NELL1: variants seen among roughly 807,000 people sequenced by gnomAD.
The protein encoded by NELL1 is neural EGFL like 1, also known as protein kinase C-binding protein NELL1.
In NELL1, 76 loss-of-function variants were observed where a neutral mutation model predicts 107.4. The observed-to-expected ratio is 0.71, with a 90% CI of 0.59 to 0.86. The LOEUF is 0.86. NELL1 is among the 40% of genes least tolerant of loss of function. NELL1 has a pLI of 0.00. For missense variants in NELL1, 1,024 were observed against 1,005.5 expected (o/e 1.02, Z -0.25); for synonymous variants, 353 against 341.2 (o/e 1.03, Z -0.38).
intron 2 of NELL1, among the ~76,000 whole-genome samples, chr11:20,690,451 A>T (rs1425458181): frequency 6.6e-6 from 1 of 151,802 alleles, no homozygotes; most frequent in Admixed American, 6.6e-5. Context: ...TCTTGAATTA[A>T]TTTTTGTATA....
At chr11:21,183,498 G>A (rs577413795) in intron 13 of NELL1, among the ~76,000 whole-genome samples, 1 of 152,050 alleles carries the variant, frequency 6.6e-6, no homozygotes, top group East Asian at 1.9e-4. Flanking sequence ...GAGAGCTCCA[G>A]TGTTTGCAGA....
At chr11:21,033,528 G>A (rs1853013249) in intron 12 of NELL1, among the ~76,000 whole-genome samples, 2 of 151,966 alleles carry the variant, frequency 1.3e-5, no homozygotes, top group African/African-American at 4.8e-5. Context: ...AAGGATAGTG[G>A]CCTCCAGCTG....
intron 15 of NELL1, among the ~76,000 whole-genome samples, chr11:21,418,602 T>C (rs1176816421): frequency 1.3e-5 from 2 of 152,084 alleles, no homozygotes; most frequent in African/African-American, 4.8e-5. Context: ...TTTTTATGGG[T>C]CTTTTCCTTT....
chr11:21,390,256 G>A (rs1851837624), intron 15 of NELL1, among the ~76,000 whole-genome samples: 1 of 151,098 alleles, frequency 6.6e-6, no homozygotes, highest in Admixed American at 6.6e-5. Context: ...TGTTCTTTTT[G>A]AAAGCACAAA....
At chr11:21,044,791 T>C (rs1349175360) in intron 12 of NELL1, among the ~76,000 whole-genome samples, 1 of 152,118 alleles carries the variant, frequency 6.6e-6, no homozygotes, top group African/African-American at 2.4e-5. Flanking sequence ...GTGGTTTCTC[T>C]GTGAAGTGGG....
intron 11 of NELL1, among the ~76,000 whole-genome samples, chr11:20,947,984 C>T (rs1392957475): frequency 6.6e-6 from 1 of 151,974 alleles, no homozygotes; most frequent in Non-Finnish European, 1.5e-5. Context: ...AATGGTTTTG[C>T]TTCATCTTCC....
chr11:20,967,138 G>A (rs540948694), intron 12 of NELL1, among the ~76,000 whole-genome samples: 1 of 152,106 alleles, frequency 6.6e-6, no homozygotes, highest in East Asian at 1.9e-4. Flanking sequence ...CTTTGTGACA[G>A]AAGTGGTGTA....
chr11:21,485,423 T>G (rs1854600197), intron 15 of NELL1, among the ~76,000 whole-genome samples: 1 of 149,750 alleles, frequency 6.7e-6, no homozygotes, highest in African/African-American at 2.5e-5. Flanking sequence ...GTGGCAGGCC[T>G]CCAATCCTGC....
At chr11:21,221,155 G>A (rs1857747088) in intron 13 of NELL1, among the ~76,000 whole-genome samples, 1 of 152,022 alleles carries the variant, frequency 6.6e-6, no homozygotes, top group African/African-American at 2.4e-5. Context: ...TCTGTTGATT[G>A]GACAATGTTG....
At position 21,123,846 on chromosome 11, in the gene NELL1, A is replaced by G. The variant is rs529856157; in HGVS notation, c.1426+10132A>G. Among the ~76,000 whole-genome samples the G allele has an allele frequency of 3.9e-5, 6 of 152,374 alleles. No individual in the cohort carries two copies. In the East Asian group the frequency reaches 1.2e-3, roughly 29 times the overall value. On this transcript the variant is annotated intron_variant, in intron 13 of 19. Coordinates refer to ENST00000357134, the MANE Select transcript of NELL1 (RefSeq NM_006157.5). The stretch of plus-strand genomic sequence containing the variant: ...CGATTAAATAAATGACAATAAATCC[A>G]TATAGTGGAACATAATGCATATTAA...
intron 2 of NELL1, among the ~76,000 whole-genome samples, chr11:20,717,866 T>C (rs16906680): frequency 0.062 from 9,483 of 152,258 alleles, 857 homozygotes; most frequent in African/African-American, 0.2. Flanking sequence ...CCCAGCACAA[T>C]GTGTGACACT....
chr11:21,098,140 A>G (rs1431578890), intron 12 of NELL1, among the ~76,000 whole-genome samples: 1 of 152,134 alleles, frequency 6.6e-6, no homozygotes, highest in Non-Finnish European at 1.5e-5. Context: ...CCAGCTTCCA[A>G]TTCTGTGAAG....
intron 15 of NELL1, among the ~76,000 whole-genome samples, chr11:21,415,446 A>G (rs1479294136): frequency 6.6e-6 from 1 of 152,050 alleles, no homozygotes; most frequent in African/African-American, 2.4e-5. Flanking sequence ...CATTTTTGGC[A>G]GTTTGATTGA....
chr11:21,253,430 T>G (rs1384766978), intron 14 of NELL1, among the ~76,000 whole-genome samples: 1 of 152,110 alleles, frequency 6.6e-6, no homozygotes, highest in Non-Finnish European at 1.5e-5. Context: ...AGAATAACCC[T>G]TTAGGTAAAT....
At chr11:20,916,645 G>T (rs1850264528) in intron 5 of NELL1, among the ~76,000 whole-genome samples, 1 of 151,764 alleles carries the variant, frequency 6.6e-6, no homozygotes, top group Non-Finnish European at 1.5e-5. Flanking sequence ...CAGCTGTCCT[G>T]GTTTGCCTAG....
At chr11:20,872,054 A>G (rs914495558) in intron 4 of NELL1, among the ~76,000 whole-genome samples, 4 of 146,746 alleles carry the variant, frequency 2.7e-5, no homozygotes, top group Non-Finnish European at 3.0e-5. Context: ...AAGAGGCCCA[A>G]CTACTTCCAT....
chr11:20,681,330 GT>G (rs1481106600), intron 2 of NELL1, among the ~76,000 whole-genome samples: 2 of 152,074 alleles, frequency 1.3e-5, no homozygotes, highest in African/African-American at 4.8e-5. Flanking sequence ...AAATATCCAA[GT>G]TTATTTTACT....
intron 14 of NELL1, among the ~76,000 whole-genome samples, chr11:21,324,893 A>G (rs1850093934): frequency 6.6e-6 from 1 of 152,048 alleles, no homozygotes; most frequent in Non-Finnish European, 1.5e-5. Flanking sequence ...CTCCTTGTTT[A>G]AAAAGAGAGT....
At chr11:21,018,332 G>C (rs956984126) in intron 12 of NELL1, among the ~76,000 whole-genome samples, 1 of 152,040 alleles carries the variant, frequency 6.6e-6, no homozygotes. Context: ...ACACTTAGCC[G>C]TGGGAATTAG....
Sources: gnomAD v4.1 joint callset for allele counts (sites outside exome capture counted in the v4.1 genomes callset) on GRCh38, gnomAD v4.1.1 for gene constraint, MANE v1.5 for transcripts, NCBI Gene and HGNC (gene_info 2026-07-23, HGNC 2026-07-21) for gene names.